SLC35F4: variants seen among roughly 807,000 people sequenced by gnomAD.
SLC35F4 encodes solute carrier family 35 member F4.
Under a neutral mutation model 44.2 loss-of-function variants are expected in SLC35F4, and 24 were observed. That is an observed-to-expected ratio of 0.54 (90% CI 0.39 to 0.76). The LOEUF is 0.76. Among genes scored for constraint, SLC35F4 ranks in the 30% least tolerant of loss-of-function variants. The probability of loss-of-function intolerance (pLI) is 0.00; values close to 1 mark genes in which losing one functional copy is unlikely to be tolerated. For synonymous variants in SLC35F4, 238 were observed against 223.6 expected, an observed-to-expected ratio of 1.06 and a Z score of -0.57; for missense variants, 562 against 586.1, an observed-to-expected ratio of 0.96 and a Z score of 0.42.
chr14:57,595,912 TG>T (rs1447560270), intron 1 of SLC35F4: 3 of 152,290 alleles, frequency 2.0e-5, no homozygotes, highest in African/African-American at 7.2e-5. Flanking sequence ...GGATGGATAG[TG>T]GGTTGAGGGT....
chr14:57,915,398 C>T (rs1594622288), intron 1 of SLC35F4, among the ~76,000 whole-genome samples: 1 of 152,144 alleles, frequency 6.6e-6, no homozygotes, highest in Admixed American at 6.5e-5. Flanking sequence ...AATTTTCCCT[C>T]CTAAGCATAC....
intron 4 of SLC35F4, among the ~76,000 whole-genome samples, chr14:57,576,947 C>G (rs2068830365): frequency 6.6e-6 from 1 of 152,128 alleles, no homozygotes; most frequent in African/African-American, 2.4e-5. Flanking sequence ...CCAGCACAAC[C>G]CAGCTGTCTC....
At chr14:57,835,968 C>A (rs1884876268) in intron 1 of SLC35F4, among the ~76,000 whole-genome samples, 1 of 152,164 alleles carries the variant, frequency 6.6e-6, no homozygotes, top group Admixed American at 6.5e-5. Flanking sequence ...GGGAAACATT[C>A]CAAGAAACAG....
At chr14:57,820,200 G>T (rs7152180) in intron 1 of SLC35F4, among the ~76,000 whole-genome samples, 37,843 of 152,056 alleles carry the variant, frequency 0.25, 5,031 homozygotes, top group Admixed American at 0.37. Flanking sequence ...ATGAATTTTT[G>T]CTAGGAAAGG....
intron 1 of SLC35F4, among the ~76,000 whole-genome samples, chr14:57,670,506 T>C (rs2074478968): frequency 1.3e-5 from 2 of 152,118 alleles, no homozygotes; most frequent in African/African-American, 2.4e-5. Context: ...GCTTTGAATG[T>C]GTCCCACTGA....
At chr14:57,603,221 T>G (rs571221553) in intron 1 of SLC35F4, among the ~76,000 whole-genome samples, 1 of 152,258 alleles carries the variant, frequency 6.6e-6, no homozygotes, top group Non-Finnish European at 1.5e-5. Context: ...TGTCTTTGTG[T>G]GTGATAGTCC....
Position 57,837,409 on chromosome 14 carries a change from AGTTT to A in SLC35F4, c.103+28310_103+28313del, listed in dbSNP as rs1885043600. 2 of 152,194 alleles carry A rather than the reference AGTTT, an allele frequency of 1.3e-5. 1 individual carries two copies. The highest frequency in any genetic ancestry group is 4.1e-4 in the South Asian group (2 of 4,828). 9.4% of individuals were successfully genotyped at this position (152,194 alleles called of 1,614,324 possible). A position where few individuals can be genotyped will look rare whatever the true frequency, so the allele number is the denominator to read the frequency against. On this transcript the variant is annotated intron_variant, in intron 1 of 7. Coordinates refer to ENST00000556826, the MANE Select transcript of SLC35F4 (RefSeq NM_001306087.2). Reference sequence around the variant, plus strand: ...CTGAGCCACTTTCAAATTTCTTGAAAGTTTGTTTGGCTCAAATACTGTAGTTCTC... The same window carrying A: ...CTGAGCCACTTTCAAATTTCTTGAAAGTTTGGCTCAAATACTGTAGTTCTC...
rs182516425 is a variant in SLC35F4, at chr14:57,584,663, A to G, written c.588-3230T>C. Among the ~76,000 whole-genome samples, 175 of 152,290 alleles carry G rather than the reference A, an allele frequency of 1.1e-3. 1 individual carries two copies. Among genetic ancestry groups the G allele is most frequent in the Middle Eastern group, 6.8e-3 (2 of 294 alleles). ...CACTATAGGTAGAGTGCTAAATCAG[A>G]TTTTACTAAGTTCAGAGTTAGTCTG... On this transcript the variant is annotated intron_variant, in intron 3 of 7. Coordinates refer to ENST00000556826, the MANE Select transcript of SLC35F4 (RefSeq NM_001306087.2).
chr14:57,687,990 CAG>C (rs1239279663), intron 1 of SLC35F4, among the ~76,000 whole-genome samples: 2 of 152,070 alleles, frequency 1.3e-5, no homozygotes, highest in African/African-American at 4.8e-5. Flanking sequence ...GACTTGCTTC[CAG>C]AGAGGGATAG....
At chr14:57,732,990 G>T (rs1181138956) in intron 1 of SLC35F4, among the ~76,000 whole-genome samples, 1 of 152,072 alleles carries the variant, frequency 6.6e-6, no homozygotes, top group Non-Finnish European at 1.5e-5. Context: ...AGAATTAAAG[G>T]TGACAGGAAG....
At chr14:57,761,716 T>G (rs2077129214) in intron 1 of SLC35F4, among the ~76,000 whole-genome samples, 1 of 152,134 alleles carries the variant, frequency 6.6e-6, no homozygotes, top group South Asian at 2.1e-4. Context: ...ACTAAAGGCA[T>G]TTTTCCTTAA....
chr14:57,981,111 A>G (rs1881366614), intron 1 of SLC35F4, among the ~76,000 whole-genome samples: 2 of 152,172 alleles, frequency 1.3e-5, no homozygotes. Context: ...AGCCAAAGAC[A>G]ACAGCCCGGG....
intron 1 of SLC35F4, among the ~76,000 whole-genome samples, chr14:57,750,126 G>A (rs2076849256): frequency 6.6e-6 from 1 of 152,148 alleles, no homozygotes; most frequent in African/African-American, 2.4e-5. Flanking sequence ...ACTTAAGAGT[G>A]AAAACATGCG....
chr14:57,667,979 A>T (rs1472679237), intron 1 of SLC35F4, among the ~76,000 whole-genome samples: 1 of 142,210 alleles, frequency 7.0e-6, no homozygotes, highest in East Asian at 2.0e-4. Context: ...ATTTCTCCAC[A>T]TCCTCTCCAG....
intron 1 of SLC35F4, among the ~76,000 whole-genome samples, chr14:57,731,186 C>T (rs951617053): frequency 2.6e-5 from 4 of 152,084 alleles, no homozygotes; most frequent in Admixed American, 6.6e-5. Context: ...AGCCCCGATG[C>T]GACCCTGAAA....
intron 3 of SLC35F4, among the ~76,000 whole-genome samples, chr14:57,584,509 A>G (rs937242464): frequency 6.6e-6 from 1 of 152,182 alleles, no homozygotes; most frequent in Admixed American, 6.5e-5. Flanking sequence ...AGAATCTAAG[A>G]ATTGTCTGAC....
chr14:57,880,422 A>G (rs1040881413), intron 1 of SLC35F4, among the ~76,000 whole-genome samples: 4 of 152,104 alleles, frequency 2.6e-5, no homozygotes, highest in African/African-American at 9.7e-5. Context: ...AAGGAGTAAA[A>G]TCCCTATCAC....
At chr14:57,611,027 G>T (rs972097215) in intron 1 of SLC35F4, among the ~76,000 whole-genome samples, 1 of 152,216 alleles carries the variant, frequency 6.6e-6, no homozygotes, top group Non-Finnish European at 1.5e-5. Flanking sequence ...GTTACATAAG[G>T]TTGTGCAGGG....
chr14:57,593,184 G>A (rs1214300719), intron 2 of SLC35F4, among the ~76,000 whole-genome samples: 2 of 152,168 alleles, frequency 1.3e-5, no homozygotes, highest in African/African-American at 4.8e-5. Context: ...AAGTATGCTC[G>A]GTCATACAAT....
Sources: gnomAD v4.1 joint callset for allele counts (sites outside exome capture counted in the v4.1 genomes callset) on GRCh38, gnomAD v4.1.1 for gene constraint, MANE v1.5 for transcripts, NCBI Gene and HGNC (gene_info 2026-07-23, HGNC 2026-07-21) for gene names.